Variants in PROM2 observed in about 807,000 individuals in gnomAD.
PROM2 encodes the protein prominin 2.
In PROM2, 90 loss-of-function variants were observed where a neutral mutation model predicts 110.2. The ratio of observed to expected loss-of-function variants is 0.82; its 90% confidence interval spans 0.69 to 0.97. The LOEUF is 0.97. Among genes scored for constraint, PROM2 ranks in the 50% least tolerant of loss-of-function variants. The probability of loss-of-function intolerance (pLI) is 0.00; values close to 1 mark genes in which losing one functional copy is unlikely to be tolerated. For synonymous variants in PROM2, 470 were observed against 467.8 expected (o/e 1.00, Z -0.06); for missense variants, 1,009 against 1,074.8 (o/e 0.94, Z 0.86).
chr2:95,287,102 G>A (rs752788141), intron 18 of PROM2, 31 bp from the exon 19 acceptor site: 11 of 1,590,340 alleles, frequency 6.9e-6, no homozygotes, highest in South Asian at 4.4e-5. Context: ...GTGAATGTGG[G>A]ACACTGAGTT....
intron 10 of PROM2, 132 bp downstream of exon 10, chr2:95,279,276 T>A: frequency 1.4e-6 from 1 of 716,290 alleles, no homozygotes; most frequent in Non-Finnish European, 2.1e-6. Context: ...TGTTTTTTGT[T>A]TGTTTGTTTG....
rs1303732743 is a variant in PROM2, at chr2:95,287,322, T to TG, written c.2176-68dup. ...GGGCCTGTCCTCAAGTTGCCAGGCA[T>TG]GGGGGGTGGCGTGGGTGGGGGGCAC... On this transcript the variant is annotated intron_variant, in intron 19 of 23. Coordinates refer to ENST00000317620, the MANE Select transcript of PROM2 (RefSeq NM_001165978.3). 13 of 1,146,168 alleles carry TG rather than the reference T, an allele frequency of 1.1e-5. No individual in the cohort carries two copies. The South Asian group carries it at 1.2e-4, about 11-fold the overall frequency. 71.0% of individuals were successfully genotyped at this position (1,146,168 alleles called of 1,614,324 possible). A position where few individuals can be genotyped will look rare whatever the true frequency, so the allele number is the denominator to read the frequency against.
In PROM2 at chr2:95,285,667, T is replaced by C. The variant is rs1196272528; in HGVS notation, c.1904T>C (p.Met635Thr). 10 of 1,604,710 alleles carry C rather than the reference T, an allele frequency of 6.2e-6. No individual in the cohort carries two copies. The highest frequency in any genetic ancestry group is 8.5e-6 in the Non-Finnish European group (10 of 1,175,392). The part of the protein sequence containing the change: ...QIQRPVVKTS[M>T]EQLAQELQGL... ...CAGAGGCCCGTGGTGAAGACCAGCA[T>C]GGAGCAGCTGGCCCAGGAGCTGCAA... Residue 635 changes from methionine to threonine, a missense_variant, in exon 16 of 24, where the codon ATG becomes ACG. Physicochemically the swap from Met to Thr is moderately conservative, Grantham distance 81. Transcript: ENST00000317620.
Position 95,278,447 on chromosome 2 carries a change from G to A in PROM2, c.1051-274G>A, listed in dbSNP as rs1345270536. On this transcript the variant is annotated intron_variant, in intron 8 of 23. Transcript: ENST00000317620. The stretch of plus-strand genomic sequence containing the variant: ...GTGGACTGGAGCTGGACCTTCAGGA[G>A]CTAGACCTGGCAGTTGTGTGGAGGG... The A allele has an allele frequency of 4.0e-5, 23 of 575,418 alleles. No individual in the cohort carries two copies. In the South Asian group the frequency reaches 4.4e-4, roughly 11 times the overall value. The allele number at this position is 575,418 out of a possible 1,614,324, so 35.6% of individuals were successfully genotyped here.
At chr2:95,284,727 C>G (rs999225855) in intron 14 of PROM2, among the ~76,000 whole-genome samples, 2 of 152,150 alleles carry the variant, frequency 1.3e-5, no homozygotes, top group Non-Finnish European at 2.9e-5. Flanking sequence ...AATAACTGAG[C>G]AAAACTCACT....
In PROM2 at chr2:95,275,996, C is replaced by T. The variant is rs1227523886; in HGVS notation, c.361C>T (p.Pro121Ser). 3 of 1,612,038 alleles carry T rather than the reference C, an allele frequency of 1.9e-6. No individual in the cohort carries two copies. The highest frequency in any genetic ancestry group is 3.3e-5 in the Admixed American group (2 of 59,998). The change falls in exon 3 of 24, where the codon CCC (proline) becomes TCC (serine). Residue 121 changes from proline (P) to serine (S), a missense_variant. By Grantham distance (74) the Pro-to-Ser change is moderately conservative (BLOSUM62 -1). Transcript: ENST00000317620. This position sits in a 1 kb window ranked among gnomAD's most constrained non-coding sequence, Gnocchi z 4.4. Reference protein sequence around the residue: ...VIAGLYLLLVPTAGLCFCCCR... With the variant: ...VIAGLYLLLVSTAGLCFCCCR... ...CGCGGGCCTCTACCTGCTGCTGGTG[C>T]CCACTGCCGGGCTTTGCTTCTGCTG...
chr2:95,275,418 G>A lies in PROM2; in HGVS notation c.245-43G>A, dbSNP rs750561472. The stretch of plus-strand genomic sequence containing the variant: ...GGGAGAGGAGGGACACAGGGGCAGG[G>A]CAGTGGCTGTCCCCAAATCCTCAGC... On this transcript the variant is annotated intron_variant, in intron 1 of 23. Transcript: ENST00000317620. This position sits in a 1 kb window ranked among gnomAD's most constrained non-coding sequence, Gnocchi z 4.4. 3 of 1,579,442 alleles carry A rather than the reference G, an allele frequency of 1.9e-6. No homozygotes were observed. Among genetic ancestry groups the A allele is most frequent in the South Asian group, 2.3e-5 (2 of 85,990 alleles).
At chr2:95,281,399 GA>G (rs749705588) in intron 12 of PROM2, 34 bp downstream of exon 12, 6 of 1,538,406 alleles carry the variant, frequency 3.9e-6, no homozygotes, top group Non-Finnish European at 5.3e-6. Flanking sequence ...CCCTCCTGGG[GA>G]GAGAGGTGGG....
At position 95,289,407 on chromosome 2, in the gene PROM2, C is replaced by T. The variant is rs1352168015; in HGVS notation, c.*194C>T. 7.1e-5 allele frequency: 16 copies of T among 224,968 alleles called. No individual in the cohort carries two copies. Among genetic ancestry groups the T allele is most frequent in the Admixed American group, 5.2e-4 (10 of 19,364 alleles). The allele number at this position is 224,968 out of a possible 1,614,324, so 13.9% of individuals were successfully genotyped here. On this transcript the variant is annotated 3_prime_UTR_variant, in exon 24 of 24. Transcript: ENST00000317620. ...TTCTGCTCACGACCCCCATCATTCA[C>T]GCTCAGAATCACATGGGACTTCTGT...
chr2:95,276,016 C>T lies in PROM2; in HGVS notation c.381C>T (p.Phe127=), dbSNP rs1181903862. The change falls in exon 3 of 24, where the codon TTC becomes TTT. Residue 127 remains phenylalanine, a synonymous_variant. Transcript: ENST00000317620. The surrounding 1 kb of genome is among the most constrained non-coding windows in gnomAD (Gnocchi z 4.6). Reference sequence around the variant, plus strand: ...TGGTGCCCACTGCCGGGCTTTGCTTCTGCTGCTGCCGCTGCCACCGGCGCT... The same window carrying T: ...TGGTGCCCACTGCCGGGCTTTGCTTTTGCTGCTGCCGCTGCCACCGGCGCT... ...LLLVPTAGLC[F]CCCRCHRRCG... 1.9e-6 allele frequency: 3 copies of T among 1,611,628 alleles called. No individual in the cohort carries two copies. Among genetic ancestry groups the T allele is most frequent in the Non-Finnish European group, 1.7e-6 (2 of 1,179,828 alleles).
intron 23 of PROM2, 105 bp downstream of exon 23, chr2:95,289,111 G>C (rs763238565): frequency 2.1e-6 from 2 of 939,804 alleles, no homozygotes; most frequent in African/African-American, 1.6e-5. Context: ...GGGCAGGAAG[G>C]CTTGGGGACA....
Position 95,286,793 on chromosome 2 carries a change from C to T in PROM2, c.2041-11C>T, listed in dbSNP as rs1677389180. 1 of 1,612,166 alleles carries T rather than the reference C, an allele frequency of 6.2e-7. No homozygotes were observed. Among genetic ancestry groups the T allele is most frequent in the Non-Finnish European group, 8.5e-7 (1 of 1,179,168 alleles). On this transcript the variant is annotated splice_polypyrimidine_tract_variant and intron_variant, in intron 17 of 23. Coordinates refer to ENST00000317620, the MANE Select transcript of PROM2 (RefSeq NM_001165978.3). ...GCACTCCCCTAACCAGCCCTGATCT[C>T]TTCTCCACAGGCAAAGCTCAACCTC...
chr2:95,278,354 G>A, intron 8 of PROM2: 1 of 525,622 alleles, frequency 1.9e-6, no homozygotes, highest in Non-Finnish European at 3.4e-6. Context: ...GAAATGATGA[G>A]TCAGCCATGC....
chr2:95,288,665 C>T (rs1677524215), intron 22 of PROM2, 76 bp downstream of exon 22: 2 of 1,301,218 alleles, frequency 1.5e-6, no homozygotes, highest in Non-Finnish European at 2.2e-6. Flanking sequence ...TCCCCTGTCA[C>T]AGCCCCTCCT....
At chr2:95,281,123 G>C (rs546748324) in intron 11 of PROM2, 119 bp from the exon 12 acceptor site, 2 of 1,368,314 alleles carry the variant, frequency 1.5e-6, no homozygotes, top group East Asian at 4.7e-5. Context: ...TTCCTCTAAA[G>C]GCTCTGTGCT....
At chr2:95,288,060 C>T (rs932413770) in intron 20 of PROM2, 151 bp from the exon 21 acceptor site, 3 of 684,596 alleles carry the variant, frequency 4.4e-6, no homozygotes, top group Middle Eastern at 2.5e-4. Context: ...CTGTACCTGC[C>T]TCTCTGCATG....
At chr2:95,285,820 C>G in intron 16 of PROM2, 110 bp downstream of exon 16, 1 of 1,037,554 alleles carries the variant, frequency 9.6e-7, no homozygotes, top group Non-Finnish European at 1.4e-6. Context: ...GGACCCCCAC[C>G]AGTGAGGCCT....
At chr2:95,277,084 A>T in intron 6 of PROM2, 23 bp downstream of exon 6, 1 of 1,544,728 alleles carries the variant, frequency 6.5e-7, no homozygotes, top group East Asian at 2.4e-5. Context: ...CGCATCCTGG[A>T]TAGTGTGGAG....
chr2:95,284,419 G>A (rs1677221325), intron 14 of PROM2, among the ~76,000 whole-genome samples: 1 of 151,998 alleles, frequency 6.6e-6, no homozygotes, highest in South Asian at 2.1e-4. Context: ...GGAGCCCGGG[G>A]GATCTAGGCT....
Sources: gnomAD v4.1 joint callset for allele counts (sites outside exome capture counted in the v4.1 genomes callset) on GRCh38, gnomAD v4.1.1 for gene constraint, Gnocchi (gnomAD v3.1) non-coding constraint, MANE v1.5 for transcripts, NCBI Gene and HGNC (gene_info 2026-07-23, HGNC 2026-07-21) for gene names.